Variants in PDZD8 observed in about 807,000 individuals in gnomAD.
PDZD8 encodes PDZ domain containing 8, also known as PDZ domain-containing protein 8.
A neutral mutation model predicts 85.8 loss-of-function variants in PDZD8; 14 were observed. The observed-to-expected ratio is 0.16, with a 90% CI of 0.11 to 0.26. PDZD8 has a LOEUF of 0.26. PDZD8 is among the 10% of genes least tolerant of loss of function. PDZD8 has a pLI of 1.00. For synonymous variants in PDZD8, 592 were observed against 568.6 expected, an observed-to-expected ratio of 1.04 and a Z score of -0.59; for missense variants, 1,197 against 1,424.3, an observed-to-expected ratio of 0.84 and a Z score of 2.57.
At chr10:117,371,497 A>G (rs1209891285) in intron 1 of PDZD8, among the ~76,000 whole-genome samples, 3 of 152,156 alleles carry the variant, frequency 2.0e-5, no homozygotes, top group African/African-American at 7.2e-5. Flanking sequence ...TCACCAGTTT[A>G]AAACACTGGA....
Position 117,280,117 on chromosome 10 carries a change from C to T in PDZD8, c.*3151G>A, listed in dbSNP as rs1844557305. 6.6e-6 allele frequency: 1 copy of T among 152,098 alleles called. No individual in the cohort carries two copies. The highest frequency in any genetic ancestry group is 6.6e-5 in the Admixed American group (1 of 15,262). The allele number at this position is 152,098 out of a possible 1,614,324, so 9.4% of individuals were successfully genotyped here. ...GTTGTGTTTTCTCCTCCCAGCATCA[C>T]AAAATAGCCACTTATTTCAAGTACT... On this transcript the variant is annotated 3_prime_UTR_variant, in exon 5 of 5. Transcript: ENST00000334464.
rs1253105340 is a variant in PDZD8 at position 117,353,352 on chromosome 10, A to G, written c.873-12250T>C. ...TTCCCAGTGCAGTTTGATGGCTCTC[A>G]AACTTTCTCGAATTATTCCAGTCCT... On this transcript the variant is annotated intron_variant, in intron 1 of 4. Transcript: ENST00000334464. Among the ~76,000 whole-genome samples, 4 of 152,180 alleles carry G rather than the reference A, an allele frequency of 2.6e-5. No homozygotes were observed. In the East Asian group the frequency reaches 7.7e-4, roughly 29 times the overall value.
chr10:117,310,970 C>G (rs1844026778), intron 3 of PDZD8, among the ~76,000 whole-genome samples: 1 of 152,150 alleles, frequency 6.6e-6, no homozygotes, highest in Admixed American at 6.6e-5. Context: ...CTCTTTTATA[C>G]TCTTTGTATG....
Position 117,284,848 on chromosome 10 carries a change from C to A in PDZD8, c.1885G>T (p.Asp629Tyr). The A allele has an allele frequency of 6.2e-7, 1 of 1,614,202 alleles. No individual in the cohort carries two copies. Among genetic ancestry groups the A allele is most frequent in the Non-Finnish European group, 8.5e-7 (1 of 1,180,032 alleles). Residue 629 changes from aspartate to tyrosine, a missense_variant, in exon 5 of 5, where the codon GAT (aspartate) becomes TAT (tyrosine). By Grantham distance (160) the Asp-to-Tyr change is radical (BLOSUM62 -3). Transcript: ENST00000334464. Reference protein sequence around the residue: ...PEKVVPPPLVDKSAEKQAKNV... With the variant: ...PEKVVPPPLVYKSAEKQAKNV... ...TTTGCTTGCTTTTCAGCAGATTTAT[C>A]TACAAGAGGAGGTGGCACCACCTTC...
At chr10:117,287,672 C>G (rs1193753536) in intron 4 of PDZD8, among the ~76,000 whole-genome samples, 1 of 152,170 alleles carries the variant, frequency 6.6e-6, no homozygotes, top group Non-Finnish European at 1.5e-5. Flanking sequence ...TGTTCAGATC[C>G]TCCTGATAAC....
intron 3 of PDZD8, among the ~76,000 whole-genome samples, chr10:117,317,262 A>G (rs569985684): frequency 3.0e-4 from 45 of 152,190 alleles, no homozygotes; most frequent in Non-Finnish European, 6.0e-4. Flanking sequence ...CAAATAATTT[A>G]GCATAATTGT....
intron 3 of PDZD8, among the ~76,000 whole-genome samples, chr10:117,294,336 A>AAC (rs1554955456): frequency 7.7e-6 from 1 of 130,004 alleles, no homozygotes; most frequent in Non-Finnish European, 1.7e-5. Context: ...ACAAAAAAAA[A>AAC]AAAAAAAAAC....
intron 2 of PDZD8, among the ~76,000 whole-genome samples, chr10:117,330,155 C>G (rs1425818476): frequency 1.3e-5 from 2 of 151,652 alleles, no homozygotes; most frequent in Non-Finnish European, 1.5e-5. Flanking sequence ...TTAAAAGAAT[C>G]AGGCTTGGTT....
At chr10:117,319,085 C>A in intron 2 of PDZD8, 111 bp from the exon 3 acceptor site, 1 of 701,574 alleles carries the variant, frequency 1.4e-6, no homozygotes. Flanking sequence ...ACTATTATAG[C>A]TTTAGTAACA....
chr10:117,374,701 C>A lies in PDZD8; in HGVS notation c.527G>T (p.Gly176Val), dbSNP rs754882265. ...GGCGGGCAGCGCCTCCCCTTCAGGG[C>A]CATCGGGCTCCCCGGTGGCCGAGGG... ...VVPSATGEPD[G>V]PEGEALPAAC... Residue 176 changes from glycine (G) to valine (V), a missense_variant, in exon 1 of 5, where the codon GGC becomes GTC. Physicochemically the swap from Gly to Val is moderately radical, Grantham distance 109. Transcript: ENST00000334464. The surrounding 1 kb of genome is among the most constrained non-coding windows in gnomAD (Gnocchi z 7.8). 1.4e-5 allele frequency: 22 copies of A among 1,602,842 alleles called. No individual in the cohort carries two copies. The highest frequency in any genetic ancestry group is 1.9e-5 in the Non-Finnish European group (22 of 1,175,356).
chr10:117,298,603 T>C (rs921640927), intron 3 of PDZD8, among the ~76,000 whole-genome samples: 1 of 152,094 alleles, frequency 6.6e-6, no homozygotes, highest in African/African-American at 2.4e-5. Flanking sequence ...CTACAGACAA[T>C]ATATATATCT....
At chr10:117,341,753 C>T (rs1844617091) in intron 1 of PDZD8, among the ~76,000 whole-genome samples, 1 of 152,170 alleles carries the variant, frequency 6.6e-6, no homozygotes, top group Non-Finnish European at 1.5e-5. Context: ...TTTCAATCCA[C>T]AGTTGTTTGA....
At chr10:117,335,215 C>A (rs58653554) in intron 2 of PDZD8, among the ~76,000 whole-genome samples, 1,968 of 152,120 alleles carry the variant, frequency 0.013, 45 homozygotes, top group African/African-American at 0.044. Flanking sequence ...ATTGACATAG[C>A]CAAAGTGCTG....
At chr10:117,348,297 A>G (rs1844743399) in intron 1 of PDZD8, among the ~76,000 whole-genome samples, 1 of 152,250 alleles carries the variant, frequency 6.6e-6, no homozygotes, top group Non-Finnish European at 1.5e-5. Context: ...ACAAACATTT[A>G]TTGAATGGCT....
chr10:117,346,799 G>C (rs1192165862), intron 1 of PDZD8, among the ~76,000 whole-genome samples: 1 of 152,014 alleles, frequency 6.6e-6, no homozygotes, highest in East Asian at 2.0e-4. Context: ...CAGGCATCAT[G>C]GCCGCCGCCA....
chr10:117,372,351 T>C (rs1425600364), intron 1 of PDZD8, among the ~76,000 whole-genome samples: 2 of 152,200 alleles, frequency 1.3e-5, no homozygotes, highest in African/African-American at 4.8e-5. Context: ...AACTTCTCAA[T>C]GCCTCCATAA....
chr10:117,356,146 T>C (rs1355805874), intron 1 of PDZD8, among the ~76,000 whole-genome samples: 1 of 152,124 alleles, frequency 6.6e-6, no homozygotes, highest in Non-Finnish European at 1.5e-5. Context: ...GTTGATTCCA[T>C]CTTCAATCCT....
chr10:117,369,023 G>A (rs1008586763), intron 1 of PDZD8, among the ~76,000 whole-genome samples: 4 of 151,740 alleles, frequency 2.6e-5, no homozygotes, highest in South Asian at 2.1e-4. Context: ...TAGTAGAAGC[G>A]GGGTTTCACC....
At chr10:117,312,485 A>C (rs1844055670) in intron 3 of PDZD8, among the ~76,000 whole-genome samples, 1 of 152,142 alleles carries the variant, frequency 6.6e-6, no homozygotes, top group Non-Finnish European at 1.5e-5. Flanking sequence ...CAGAAACTCT[A>C]CTAGGTGCAG....
Sources: gnomAD v4.1 joint callset for allele counts (sites outside exome capture counted in the v4.1 genomes callset) on GRCh38, gnomAD v4.1.1 for gene constraint, Gnocchi (gnomAD v3.1) non-coding constraint, MANE v1.5 for transcripts, NCBI Gene and HGNC (gene_info 2026-07-23, HGNC 2026-07-21) for gene names.